Variants in GPHN observed in about 807,000 individuals in gnomAD.
The protein encoded by GPHN is gephyrin.
A neutral mutation model predicts 95.5 loss-of-function variants in GPHN; 17 were observed. The ratio of observed to expected loss-of-function variants is 0.18; its 90% CI spans 0.12 to 0.27. The LOEUF is 0.27. Ranked by LOEUF, GPHN falls within the 10% of genes least tolerant of loss-of-function variation. GPHN has a pLI of 1.00. For synonymous variants in GPHN, 320 were observed against 322.5 expected, an observed-to-expected ratio of 0.99 and a Z score of 0.08; for missense variants, 660 against 978.1, an observed-to-expected ratio of 0.67 and a Z score of 4.34.
chr14:66,670,915 T>A (rs2066270809), intron 1 of GPHN, among the ~76,000 whole-genome samples: 1 of 152,230 alleles, frequency 6.6e-6, no homozygotes, highest in South Asian at 2.1e-4. Flanking sequence ...TTCTCAGATT[T>A]TTTTGATTTA....
At chr14:67,422,185 A>G in the GPHN span, among the ~76,000 whole-genome samples, 18 of 152,272 alleles carry the variant, frequency 1.2e-4, no homozygotes, top group South Asian at 1.2e-3. Context: ...AGGGCAAGGT[A>G]TCAGGCAACT....
At chr14:67,565,860 C>CT in the GPHN span, among the ~76,000 whole-genome samples, 1 of 152,204 alleles carries the variant, frequency 6.6e-6, no homozygotes, top group Non-Finnish European at 1.5e-5. Flanking sequence ...TAGCTTATGC[C>CT]TGTAATCCCA....
chr14:67,058,973 A>G lies in GPHN; in HGVS notation c.1144+187A>G, dbSNP rs3752992. On this transcript the variant is annotated intron_variant, in intron 11 of 22. Coordinates refer to ENST00000478722, the MANE Select transcript of GPHN (RefSeq NM_020806.5). Reference sequence around the variant, plus strand: ...GCTAAGGGTTCAGCCTTAACAGTATACAGAGTAAAATCCATGAAACTGCCT... The same window carrying G: ...GCTAAGGGTTCAGCCTTAACAGTATGCAGAGTAAAATCCATGAAACTGCCT... 17,277 of 582,772 alleles carry G rather than the reference A, an allele frequency of 0.03. 321 individuals are homozygous for G. The highest frequency in any genetic ancestry group is 0.051 in the Middle Eastern group (111 of 2,194). 36.1% of individuals were successfully genotyped at this position (582,772 alleles called of 1,614,324 possible).
At chr14:67,481,730 C>G in the GPHN span, among the ~76,000 whole-genome samples, 2 of 152,194 alleles carry the variant, frequency 1.3e-5, no homozygotes, top group African/African-American at 4.8e-5. Flanking sequence ...GGCCTCTATT[C>G]CCTGCCCCGG....
intron 3 of GPHN, among the ~76,000 whole-genome samples, chr14:66,794,879 G>T (rs748162881): frequency 1.2e-4 from 18 of 152,056 alleles, no homozygotes; most frequent in Non-Finnish European, 2.5e-4. Flanking sequence ...AGTTAGAGAG[G>T]TATACAAAAA....
intron 17 of GPHN, among the ~76,000 whole-genome samples, chr14:67,139,144 AC>A (rs2080294998): frequency 6.6e-6 from 1 of 150,704 alleles, no homozygotes; most frequent in Non-Finnish European, 1.5e-5. Context: ...AGTTGCTTGA[AC>A]CCAGGAGGCG....
At chr14:67,068,085 G>T (rs1219667668) in intron 11 of GPHN, among the ~76,000 whole-genome samples, 2 of 152,082 alleles carry the variant, frequency 1.3e-5, no homozygotes, top group African/African-American at 2.4e-5. Context: ...CGGCCATCTT[G>T]GAACAGAGTC....
chr14:67,359,002 CTACTT>C, the GPHN span, among the ~76,000 whole-genome samples: 1 of 152,200 alleles, frequency 6.6e-6, no homozygotes, highest in Non-Finnish European at 1.5e-5. Context: ...AAACAAATAT[CTACTT>C]TACAGCGTGA....
At chr14:67,321,578 C>G in the GPHN span, among the ~76,000 whole-genome samples, 140 of 152,242 alleles carry the variant, frequency 9.2e-4, 1 homozygote, top group Non-Finnish European at 4.4e-4. Flanking sequence ...TGAGGATAGA[C>G]CCAAGTCTGA....
At chr14:67,191,010 G>C in the GPHN span, among the ~76,000 whole-genome samples, 1 of 152,204 alleles carries the variant, frequency 6.6e-6, no homozygotes, top group African/African-American at 2.4e-5. Flanking sequence ...GAGGCAGGTG[G>C]ATCACCTGAG....
At chr14:67,607,736 G>C in the GPHN span, among the ~76,000 whole-genome samples, 1 of 152,116 alleles carries the variant, frequency 6.6e-6, no homozygotes, top group Admixed American at 6.5e-5. Flanking sequence ...CTCTTGGGAG[G>C]ATATCTTTCC....
chr14:67,021,244 A>T (rs1823544334), intron 9 of GPHN, among the ~76,000 whole-genome samples: 1 of 152,116 alleles, frequency 6.6e-6, no homozygotes, highest in African/African-American at 2.4e-5. Flanking sequence ...CATACTCAAG[A>T]TCACTAAAGG....
intron 3 of GPHN, among the ~76,000 whole-genome samples, chr14:66,776,855 T>C (rs1035381577): frequency 1.1e-4 from 16 of 147,044 alleles, no homozygotes; most frequent in Non-Finnish European, 2.2e-4. Flanking sequence ...CTTTTCCCTA[T>C]AAGCCTTCAC....
rs940721955 is a variant in GPHN at position 66,877,683 on chromosome 14, T to G, written c.295-2256T>G. ...CCTAGAATATGACTAACAAGGGATG[T>G]GAAGGACCTCTTCAAGGAGAACTAC... On this transcript the variant is annotated intron_variant, in intron 4 of 22. Coordinates refer to ENST00000478722, the MANE Select transcript of GPHN (RefSeq NM_020806.5). Among the ~76,000 whole-genome samples, 6 of 152,142 alleles carry G rather than the reference T, an allele frequency of 3.9e-5. No individual in the cohort carries two copies. In the East Asian group the frequency reaches 1.2e-3, roughly 29 times the overall value.
chr14:67,293,866 C>T, the GPHN span, among the ~76,000 whole-genome samples: 1 of 151,998 alleles, frequency 6.6e-6, no homozygotes, highest in Admixed American at 6.6e-5. Context: ...CCTTGTTTTG[C>T]TAAATACAAC....
At chr14:67,262,460 CTGTT>C in the GPHN span, among the ~76,000 whole-genome samples, 1 of 152,142 alleles carries the variant, frequency 6.6e-6, no homozygotes, top group East Asian at 1.9e-4. Context: ...TTTTAAAACT[CTGTT>C]TGGCTCCTGG....
chr14:67,473,125 C>T, the GPHN span: 1 of 412,402 alleles, frequency 2.4e-6, no homozygotes, highest in Non-Finnish European at 4.5e-6. This position sits in a 1 kb window ranked among gnomAD's most constrained non-coding sequence, Gnocchi z 6.5. Context: ...CCAAAGTCAA[C>T]TACATAGTCC....
chr14:67,276,485 C>T, the GPHN span, among the ~76,000 whole-genome samples: 1 of 151,980 alleles, frequency 6.6e-6, no homozygotes, highest in Non-Finnish European at 1.5e-5. Flanking sequence ...TACCACAGAC[C>T]AAGTTTTATA....
the GPHN span, among the ~76,000 whole-genome samples, chr14:67,475,915 G>A: frequency 6.6e-6 from 1 of 152,248 alleles, no homozygotes; most frequent in African/African-American, 2.4e-5. Context: ...AACTCCTTGA[G>A]GATAGTGACT....
Sources: gnomAD v4.1 joint callset for allele counts (sites outside exome capture counted in the v4.1 genomes callset) on GRCh38, gnomAD v4.1.1 for gene constraint, Gnocchi (gnomAD v3.1) non-coding constraint, MANE v1.5 for transcripts, NCBI Gene and HGNC (gene_info 2026-07-23, HGNC 2026-07-21) for gene names.